The following FAM135B variants were observed in gnomAD, a reference collection of about 807,000 sequenced individuals.
FAM135B encodes family with sequence similarity 135 member B.
Under a neutral mutation model 127.7 loss-of-function variants are expected in FAM135B, and 43 were observed. The ratio of observed to expected loss-of-function variants is 0.34; its 90% CI spans 0.26 to 0.43. The LOEUF is 0.43. Ranked by LOEUF, FAM135B falls within the 20% of genes least tolerant of loss-of-function variation. The pLI, the probability that FAM135B is intolerant of heterozygous loss-of-function variation, is 1.00. For missense variants in FAM135B, 1,558 were observed against 1,725.6 expected (o/e 0.90, Z 1.72); for synonymous variants, 670 against 665.1 (o/e 1.01, Z -0.11).
At position 138,241,427 on chromosome 8, in the gene FAM135B, G is replaced by C. The variant is rs1244085674; in HGVS notation, c.669+1515C>G. Among the ~76,000 whole-genome samples, 1 of 152,124 alleles carries C rather than the reference G, an allele frequency of 6.6e-6. No individual in the cohort carries two copies. The highest frequency in any genetic ancestry group is 1.5e-5 in the Non-Finnish European group (1 of 68,032). On this transcript the variant is annotated intron_variant, in intron 7 of 19. Coordinates refer to ENST00000395297, the MANE Select transcript of FAM135B (RefSeq NM_015912.4). The surrounding 1 kb of genome is among the most constrained non-coding windows in gnomAD (Gnocchi z 4.8). ...ATTCTGGCTTCAGGTCCCCTCAGCA[G>C]GTTCTTGACAACTCTTTTCTTTGCT... is the stretch of plus-strand genomic sequence containing the variant.
At chr8:138,264,326 C>G (rs761402774) in intron 4 of FAM135B, among the ~76,000 whole-genome samples, 4 of 152,170 alleles carry the variant, frequency 2.6e-5, no homozygotes, top group South Asian at 2.1e-4. Context: ...GTGCTGAGTT[C>G]TTGACATTCT....
chr8:138,232,083 G>T (rs1819945183), intron 7 of FAM135B, among the ~76,000 whole-genome samples: 1 of 152,248 alleles, frequency 6.6e-6, no homozygotes, highest in African/African-American at 2.4e-5. Context: ...AGCTCTCACA[G>T]TTAATCCATG....
At chr8:138,309,836 C>T (rs923009724) in intron 3 of FAM135B, among the ~76,000 whole-genome samples, 1 of 151,148 alleles carries the variant, frequency 6.6e-6, no homozygotes, top group South Asian at 2.1e-4. Flanking sequence ...CTACCCTCTA[C>T]CCTACTCTTT....
intron 1 of FAM135B, among the ~76,000 whole-genome samples, chr8:138,388,788 A>C (rs1041394775): frequency 2.0e-5 from 3 of 152,176 alleles, no homozygotes; most frequent in Admixed American, 1.3e-4. Context: ...TAGGGCAGTG[A>C]AAGTACTCAG....
rs987080306 is a variant in FAM135B at position 138,266,665 on chromosome 8, C to G, written c.158-823G>C. Among the ~76,000 whole-genome samples, 8 of 148,336 alleles carry G rather than the reference C, an allele frequency of 5.4e-5. No individual in the cohort carries two copies. In the South Asian group the frequency reaches 1.7e-3, roughly 31 times the overall value. On this transcript the variant is annotated intron_variant, in intron 3 of 19. Transcript: ENST00000395297. ...TATATATACATATATATATATTATT[C>G]TAAAATAAATAGCACTGCCCAGGGT...
intron 4 of FAM135B, among the ~76,000 whole-genome samples, chr8:138,261,257 C>T (rs553169022): frequency 1.3e-5 from 2 of 152,222 alleles, no homozygotes; most frequent in South Asian, 4.2e-4. Flanking sequence ...ACTGTGATGC[C>T]GGTGCACCAA....
intron 7 of FAM135B, among the ~76,000 whole-genome samples, chr8:138,210,669 A>G (rs1818070304): frequency 6.6e-6 from 1 of 152,158 alleles, no homozygotes; most frequent in Non-Finnish European, 1.5e-5. Context: ...ATCCATCCCC[A>G]TGATCCAATC....
At chr8:138,394,252 C>G (rs1202961707) in intron 1 of FAM135B, among the ~76,000 whole-genome samples, 1 of 152,130 alleles carries the variant, frequency 6.6e-6, no homozygotes, top group Admixed American at 6.5e-5. Flanking sequence ...TGTGTTTGTC[C>G]CATGGGCCAC....
intron 7 of FAM135B, among the ~76,000 whole-genome samples, chr8:138,198,547 T>A (rs1311171354): frequency 6.6e-6 from 1 of 152,144 alleles, no homozygotes; most frequent in African/African-American, 2.4e-5. Flanking sequence ...GTCATCGTAA[T>A]GTAGAAAGAA....
chr8:138,430,540 G>A (rs1177956547), intron 1 of FAM135B, among the ~76,000 whole-genome samples: 2 of 152,164 alleles, frequency 1.3e-5, no homozygotes, highest in Non-Finnish European at 2.9e-5. Flanking sequence ...CTGCTGGGCA[G>A]GTGCTGGCCT....
At chr8:138,169,468 GTTC>G (rs1215635312) in intron 11 of FAM135B, among the ~76,000 whole-genome samples, 71 of 151,024 alleles carry the variant, frequency 4.7e-4, no homozygotes, top group African/African-American at 1.7e-3. Context: ...CTCTTTAAAT[GTTC>G]TTCTCGGATT....
intron 1 of FAM135B, among the ~76,000 whole-genome samples, chr8:138,442,756 T>C (rs926246301): frequency 6.6e-6 from 1 of 151,988 alleles, no homozygotes; most frequent in Non-Finnish European, 1.5e-5. Flanking sequence ...GCAAACCACA[T>C]TGTATCAGAA....
At chr8:138,173,158 G>C (rs1333421350) in intron 11 of FAM135B, among the ~76,000 whole-genome samples, 1 of 152,132 alleles carries the variant, frequency 6.6e-6, no homozygotes, top group African/African-American at 2.4e-5. Flanking sequence ...CGGCACATAG[G>C]GAAAGAGTCT....
In FAM135B at chr8:138,151,355, G is replaced by A. The variant is rs1271110975; in HGVS notation, c.3120C>T (p.Thr1040=). Residue 1040 remains threonine, a synonymous_variant, in exon 13 of 20, where the codon ACC becomes ACT. Transcript: ENST00000395297. ...VVNLSVSCTA[T]CLPFSSVPKE... ...TGGGCACAGATGAGAAAGGGAGACA[G>A]GTGGCAGTGCAAGACACAGATAAGT... 10 of 1,613,956 alleles carry A rather than the reference G, an allele frequency of 6.2e-6. No individual in the cohort carries two copies. In the East Asian group the frequency reaches 1.6e-4, roughly 25 times the overall value.
intron 11 of FAM135B, among the ~76,000 whole-genome samples, chr8:138,176,616 G>A (rs2130958830): frequency 6.6e-6 from 1 of 152,326 alleles, no homozygotes; most frequent in Non-Finnish European, 1.5e-5. Context: ...ATTCTAATGA[G>A]AAAGGTGAAA....
At chr8:138,261,615 G>T (rs940692995) in intron 4 of FAM135B, among the ~76,000 whole-genome samples, 4 of 152,118 alleles carry the variant, frequency 2.6e-5, no homozygotes, top group Admixed American at 2.0e-4. Flanking sequence ...TCTTCTGTGG[G>T]ATTACGCAGA....
chr8:138,320,736 G>C (rs1233242615), intron 2 of FAM135B, among the ~76,000 whole-genome samples: 1 of 152,166 alleles, frequency 6.6e-6, no homozygotes, highest in Non-Finnish European at 1.5e-5. Context: ...GAAACTAAAA[G>C]AGGACTGATG....
intron 6 of FAM135B, among the ~76,000 whole-genome samples, chr8:138,250,077 G>T (rs1821582093): frequency 6.6e-6 from 1 of 152,172 alleles, no homozygotes; most frequent in Admixed American, 6.5e-5. Flanking sequence ...AATGGGCTGG[G>T]TGTGGTGGCT....
chr8:138,345,407 G>A (rs1475793051), intron 2 of FAM135B, among the ~76,000 whole-genome samples: 1 of 152,246 alleles, frequency 6.6e-6, no homozygotes, highest in Non-Finnish European at 1.5e-5. Flanking sequence ...GATGGAAAGA[G>A]TGCTTGTAGC....
Sources: allele counts gnomAD v4.1 joint callset (sites outside exome capture counted in the v4.1 genomes callset), GRCh38; gene constraint gnomAD v4.1.1; non-coding constraint Gnocchi (gnomAD v3.1); transcripts MANE v1.5; gene names NCBI Gene and HGNC (gene_info 2026-07-23, HGNC 2026-07-21).